Variants in DPYD observed in about 807,000 individuals in gnomAD.
DPYD encodes dihydropyrimidine dehydrogenase [NADP(+)].
In DPYD, 109 loss-of-function variants were observed where a neutral mutation model predicts 116.2. That is an observed-to-expected ratio of 0.94 (90% confidence interval 0.80 to 1.10). The LOEUF (loss-of-function observed/expected upper bound fraction) is 1.10. Among genes scored for constraint, DPYD ranks in the 50% least tolerant of loss-of-function variants. The pLI is 0.00. For synonymous variants in DPYD, 440 were observed against 432.0 expected (o/e 1.02, Z -0.23); for missense variants, 1,302 against 1,254.5 (o/e 1.04, Z -0.57).
At chr1:97,612,588 A>T (rs567407208) in intron 8 of DPYD, among the ~76,000 whole-genome samples, 1 of 152,028 alleles carries the variant, frequency 6.6e-6, no homozygotes, top group Non-Finnish European at 1.5e-5. Flanking sequence ...CCTCACTGAA[A>T]ATCTCATGGA....
At chr1:97,290,594 C>G (rs1055803838) in intron 18 of DPYD, among the ~76,000 whole-genome samples, 3 of 152,078 alleles carry the variant, frequency 2.0e-5, no homozygotes, top group African/African-American at 7.2e-5. Context: ...GAAAGGATTC[C>G]CTATTTAATA....
chr1:97,101,382 A>G (rs544903623), intron 20 of DPYD, among the ~76,000 whole-genome samples: 4 of 151,958 alleles, frequency 2.6e-5, no homozygotes, highest in Non-Finnish European at 5.9e-5. Context: ...CGAAAACAAA[A>G]AAACATCAAT....
At chr1:97,389,325 C>T (rs777055405) in intron 14 of DPYD, among the ~76,000 whole-genome samples, 37 of 130,322 alleles carry the variant, frequency 2.8e-4, no homozygotes, top group Admixed American at 1.2e-3. Flanking sequence ...AAAAAAAAAA[C>T]GAAGAAAGAA....
At chr1:97,625,641 A>T (rs1656885438) in intron 8 of DPYD, among the ~76,000 whole-genome samples, 1 of 152,018 alleles carries the variant, frequency 6.6e-6, no homozygotes, top group South Asian at 2.1e-4. Flanking sequence ...AAATTAGGAC[A>T]TAGGCATATA....
At chr1:97,522,104 T>G (rs1218623687) in intron 12 of DPYD, among the ~76,000 whole-genome samples, 1 of 152,116 alleles carries the variant, frequency 6.6e-6, no homozygotes, top group East Asian at 1.9e-4. Context: ...GAAACTATCA[T>G]CAGAGTGAAC....
At chr1:97,676,311 T>C (rs113732455) in intron 8 of DPYD, among the ~76,000 whole-genome samples, 2 of 152,300 alleles carry the variant, frequency 1.3e-5, no homozygotes, top group African/African-American at 4.8e-5. Flanking sequence ...CATGCTTATA[T>C]GATCAGGTAA....
chr1:97,874,308 G>T (rs369544766), intron 2 of DPYD, among the ~76,000 whole-genome samples: 1 of 151,896 alleles, frequency 6.6e-6, no homozygotes, highest in Non-Finnish European at 1.5e-5. Flanking sequence ...TTAGGTATTT[G>T]TATCAGATAC....
chr1:97,130,703 CCT>C (rs1250038139), intron 20 of DPYD, among the ~76,000 whole-genome samples: 2 of 140,048 alleles, frequency 1.4e-5, no homozygotes, highest in East Asian at 2.0e-4. Context: ...TCCCTCCTTC[CCT>C]CTCTCCCTCT....
chr1:97,465,073 G>T (rs1436898687), intron 13 of DPYD, among the ~76,000 whole-genome samples: 1 of 152,188 alleles, frequency 6.6e-6, no homozygotes, highest in African/African-American at 2.4e-5. Context: ...CTGGATGTCG[G>T]ACATGCAGTC....
chr1:97,136,031 G>A (rs750382219), intron 20 of DPYD, among the ~76,000 whole-genome samples: 8 of 152,148 alleles, frequency 5.3e-5, no homozygotes, highest in Non-Finnish European at 1.2e-4. Context: ...CAAGGCCCGA[G>A]GAGTTACTAT....
At chr1:97,691,675 T>C (rs1661014239) in intron 7 of DPYD, 42 bp downstream of exon 7, 1 of 1,525,736 alleles carries the variant, frequency 6.6e-7, no homozygotes, top group East Asian at 2.3e-5. Flanking sequence ...GCTTACTCCT[T>C]TCTTTTTGAG....
At chr1:97,438,049 T>A (rs1446501685) in intron 14 of DPYD, among the ~76,000 whole-genome samples, 1 of 152,052 alleles carries the variant, frequency 6.6e-6, no homozygotes, top group Admixed American at 6.5e-5. Context: ...AAATAATTTG[T>A]GGGTTGTTTG....
intron 8 of DPYD, among the ~76,000 whole-genome samples, chr1:97,616,331 C>T (rs529743105): frequency 2.0e-5 from 3 of 152,266 alleles, no homozygotes; most frequent in South Asian, 2.1e-4. Context: ...AGGTTCCACA[C>T]ATAAGTGAGT....
At chr1:97,479,390 A>G (rs1175817435) in intron 13 of DPYD, among the ~76,000 whole-genome samples, 1 of 152,156 alleles carries the variant, frequency 6.6e-6, no homozygotes, top group Non-Finnish European at 1.5e-5. Context: ...AGGCCCTTGG[A>G]GAGGGAGACA....
At chr1:97,858,010 A>C (rs1164452536) in intron 2 of DPYD, among the ~76,000 whole-genome samples, 1 of 152,056 alleles carries the variant, frequency 6.6e-6, no homozygotes, top group Non-Finnish European at 1.5e-5. Context: ...AGAGCAGAGG[A>C]AAAACAAATG....
rs375801103 is a variant in DPYD, at chr1:97,585,644, T to A, written c.1128+7574A>T. 2.6e-5 allele frequency among the ~76,000 whole-genome samples: 4 copies of A among 152,368 alleles called. No homozygotes were observed. In the East Asian group the frequency reaches 7.7e-4, roughly 29 times the overall value. On this transcript the variant is annotated intron_variant, in intron 10 of 22. Transcript: ENST00000370192. ...TATGTTAATTCATGTGTATTTTTCA[T>A]TTATGTCTTTCGAATAGCATATACA... is the stretch of plus-strand genomic sequence containing the variant.
intron 13 of DPYD, among the ~76,000 whole-genome samples, chr1:97,453,530 A>G (rs1348661239): frequency 1.3e-5 from 2 of 152,144 alleles, no homozygotes; most frequent in East Asian, 1.9e-4. Flanking sequence ...ATTCTAAGCT[A>G]TATGCTATAT....
intron 8 of DPYD, among the ~76,000 whole-genome samples, chr1:97,618,343 T>C (rs1263877050): frequency 6.6e-6 from 1 of 151,800 alleles, no homozygotes; most frequent in Non-Finnish European, 1.5e-5. Flanking sequence ...CTTGATTCAT[T>C]AGACATGTAA....
chr1:97,393,222 G>A (rs534474248), intron 14 of DPYD, among the ~76,000 whole-genome samples: 1 of 151,834 alleles, frequency 6.6e-6, no homozygotes, highest in South Asian at 2.1e-4. Flanking sequence ...ATTAAAGTGA[G>A]AGACATGCAA....
Sources: gnomAD v4.1 joint callset for allele counts (sites outside exome capture counted in the v4.1 genomes callset) on GRCh38, gnomAD v4.1.1 for gene constraint, MANE v1.5 for transcripts, NCBI Gene and HGNC (gene_info 2026-07-23, HGNC 2026-07-21) for gene names.